Variants in TMEM273 observed in about 807,000 individuals in gnomAD.
TMEM273 encodes transmembrane protein 273, also known as chromosome 10 open reading frame 128.
Under a neutral mutation model 17.9 loss-of-function variants are expected in TMEM273, and 19 were observed. That is an observed-to-expected ratio of 1.06 (90% CI 0.74 to 1.55). TMEM273 has a LOEUF of 1.55. Ranked by LOEUF, TMEM273 falls within the 40% of genes most tolerant of loss-of-function variation. The pLI, the probability that TMEM273 is intolerant of heterozygous loss-of-function variation, is 0.00. For synonymous variants in TMEM273, 66 were observed against 62.0 expected (o/e 1.07, Z -0.31); for missense variants, 194 against 155.6 (o/e 1.25, Z -1.31).
chr10:49,170,448 C>A (rs1449149748), intron 1 of TMEM273, among the ~76,000 whole-genome samples: 1 of 152,172 alleles, frequency 6.6e-6, no homozygotes, highest in Non-Finnish European at 1.5e-5. Context: ...CAAAAAGAGG[C>A]CAGTCCCTTA....
At chr10:49,166,816 C>T in intron 3 of TMEM273, 53 bp downstream of exon 3, 1 of 1,608,400 alleles carries the variant, frequency 6.2e-7, no homozygotes, top group Non-Finnish European at 8.5e-7. Flanking sequence ...CAGAGTGGCC[C>T]TCGGTGCCTC....
intron 4 of TMEM273, 143 bp from the exon 5 acceptor site, chr10:49,165,426 T>G (rs1590198132): frequency 6.7e-7 from 1 of 1,502,142 alleles, no homozygotes; most frequent in South Asian, 1.3e-5. Flanking sequence ...ACAAACCACG[T>G]GTGACCTCCC....
intron 1 of TMEM273, among the ~76,000 whole-genome samples, chr10:49,177,800 C>T (rs1847083220): frequency 6.6e-6 from 1 of 152,256 alleles, no homozygotes; most frequent in Non-Finnish European, 1.5e-5. Flanking sequence ...CCTTGCCACA[C>T]AGCCCTGGCC....
chr10:49,173,596 C>T (rs1189965315), intron 1 of TMEM273, among the ~76,000 whole-genome samples: 1 of 152,194 alleles, frequency 6.6e-6, no homozygotes, highest in Non-Finnish European at 1.5e-5. Flanking sequence ...CACACCTCTC[C>T]CCCGCACTGT....
At chr10:49,171,499 G>A (rs1797751646) in intron 1 of TMEM273, among the ~76,000 whole-genome samples, 1 of 152,178 alleles carries the variant, frequency 6.6e-6, no homozygotes, top group East Asian at 1.9e-4. Flanking sequence ...GCACTCGATG[G>A]GCTCTAGATT....
At chr10:49,163,373 C>T (rs182413420) in intron 5 of TMEM273, among the ~76,000 whole-genome samples, 348 of 152,118 alleles carry the variant, frequency 2.3e-3, no homozygotes, top group Non-Finnish European at 3.8e-3. Flanking sequence ...GAAATATCCC[C>T]AATTCGACCA....
intron 1 of TMEM273, among the ~76,000 whole-genome samples, chr10:49,180,994 T>C (rs567740990): frequency 6.6e-6 from 1 of 152,196 alleles, no homozygotes; most frequent in African/African-American, 2.4e-5. Context: ...GCAGAGAACA[T>C]GACAGTCAAC....
chr10:49,170,732 G>A (rs1015195383), intron 1 of TMEM273, among the ~76,000 whole-genome samples: 1 of 152,136 alleles, frequency 6.6e-6, no homozygotes, highest in African/African-American at 2.4e-5. Context: ...CTCAGGGAGG[G>A]AAATCCCTCC....
chr10:49,182,220 C>T (rs1349225725), intron 1 of TMEM273, among the ~76,000 whole-genome samples: 1 of 152,186 alleles, frequency 6.6e-6, no homozygotes, highest in Non-Finnish European at 1.5e-5. Flanking sequence ...AACATTCACA[C>T]ACCACATAAT....
At chr10:49,166,071 C>T (rs573527862) in intron 3 of TMEM273, among the ~76,000 whole-genome samples, 24 of 152,358 alleles carry the variant, frequency 1.6e-4, no homozygotes, top group African/African-American at 5.3e-4. Flanking sequence ...CCTCCTCTCC[C>T]GGCCCAGACC....
At chr10:49,161,350 A>G (rs2725180) in intron 6 of TMEM273, 323,817 of 567,948 alleles carry the variant, frequency 0.57, 94,582 homozygotes, top group African/African-American at 0.69. Flanking sequence ...TGTTAAAACC[A>G]TTTTCTCAGC....
intron 1 of TMEM273, among the ~76,000 whole-genome samples, chr10:49,186,233 A>G (rs890991188): frequency 1.1e-4 from 17 of 152,336 alleles, no homozygotes; most frequent in African/African-American, 3.8e-4. Flanking sequence ...ATAGAAAGGC[A>G]TGTCTTTCAA....
At chr10:49,182,307 C>T (rs920363504) in intron 1 of TMEM273, among the ~76,000 whole-genome samples, 1 of 152,080 alleles carries the variant, frequency 6.6e-6, no homozygotes, top group East Asian at 1.9e-4. Flanking sequence ...ATCTCAGGGA[C>T]TCAGACCCAA....
intron 1 of TMEM273, among the ~76,000 whole-genome samples, chr10:49,176,506 C>T (rs372518603): frequency 5.3e-4 from 80 of 152,230 alleles, no homozygotes; most frequent in African/African-American, 1.8e-3. Flanking sequence ...GGAAGCCGTG[C>T]GGAATAACTA....
intron 1 of TMEM273, 41 bp downstream of exon 1, chr10:49,188,253 G>C: frequency 1.2e-6 from 2 of 1,612,364 alleles, no homozygotes; most frequent in Non-Finnish European, 8.5e-7. Context: ...CCTGCCCACT[G>C]AGGCTCCCCC....
chr10:49,178,473 C>T (rs1847140638), intron 1 of TMEM273: 1 of 354,758 alleles, frequency 2.8e-6, no homozygotes, highest in African/African-American at 2.1e-5. Context: ...GGAACAGCAT[C>T]ATCCCATGCA....
chr10:49,172,904 C>T (rs754523045), intron 1 of TMEM273, among the ~76,000 whole-genome samples: 9 of 152,206 alleles, frequency 5.9e-5, no homozygotes, highest in Non-Finnish European at 1.2e-4. Flanking sequence ...AGGGCTGGCT[C>T]CTGGGGAATG....
At chr10:49,159,415 C>A (rs1403668306) in intron 6 of TMEM273, among the ~76,000 whole-genome samples, 1 of 152,022 alleles carries the variant, frequency 6.6e-6, no homozygotes, top group African/African-American at 2.4e-5. Flanking sequence ...GCATAGTGCT[C>A]TAATTTCTGG....
At position 49,164,959 on chromosome 10, in the gene TMEM273, GTTAT is replaced by G. The variant is rs771766953; in HGVS notation, c.348+242_348+245del. The stretch of plus-strand genomic sequence containing the variant: ...CACCTAGCCCATGGCCTCATGTTCA[GTTAT>G]TTATTCATTCATTCAACACATATGC... On this transcript the variant is annotated intron_variant, in intron 5 of 6. Transcript: ENST00000374153. Among the ~76,000 whole-genome samples the G allele has an allele frequency of 4.4e-4, 67 of 152,230 alleles. 1 individual carries two copies. Among genetic ancestry groups the G allele is most frequent in the Non-Finnish European group, 8.7e-4 (59 of 68,022 alleles).
Sources: allele counts gnomAD v4.1 joint callset (sites outside exome capture counted in the v4.1 genomes callset), GRCh38; gene constraint gnomAD v4.1.1; transcripts MANE v1.5; gene names NCBI Gene and HGNC (gene_info 2026-07-23, HGNC 2026-07-21).